ZBTB7C: variants seen among roughly 807,000 people sequenced by gnomAD.
ZBTB7C encodes the protein zinc finger and BTB domain-containing protein 7C.
In ZBTB7C, 8 loss-of-function variants were observed where a neutral mutation model predicts 25.7. That is an observed-to-expected ratio of 0.31 (90% CI 0.18 to 0.56). The LOEUF (loss-of-function observed/expected upper bound fraction) is 0.56. Among genes scored for constraint, ZBTB7C ranks in the 20% least tolerant of loss-of-function variants. The pLI is 0.91. For synonymous variants in ZBTB7C, 394 were observed against 369.0 expected (o/e 1.07, Z -0.78); for missense variants, 824 against 855.2 (o/e 0.96, Z 0.46).
chr18:48,074,896 G>C (rs1349672091), intron 3 of ZBTB7C, among the ~76,000 whole-genome samples: 1 of 152,184 alleles, frequency 6.6e-6, no homozygotes, highest in East Asian at 1.9e-4. Flanking sequence ...TCCATTCAGT[G>C]ATGTTTTTGT....
chr18:48,229,785 G>C (rs1478117531), intron 2 of ZBTB7C, among the ~76,000 whole-genome samples: 1 of 152,180 alleles, frequency 6.6e-6, no homozygotes, highest in Non-Finnish European at 1.5e-5. Context: ...CAGCCTTCCT[G>C]ACTGTCCATC....
intron 2 of ZBTB7C, among the ~76,000 whole-genome samples, chr18:48,279,127 G>C (rs1293265329): frequency 6.6e-6 from 1 of 152,092 alleles, no homozygotes; most frequent in African/African-American, 2.4e-5. Context: ...AGGGCCCAGA[G>C]GGCAGCACCA....
At chr18:48,136,807 C>T (rs2040181014) in intron 3 of ZBTB7C, among the ~76,000 whole-genome samples, 1 of 152,148 alleles carries the variant, frequency 6.6e-6, no homozygotes, top group Non-Finnish European at 1.5e-5. Context: ...GCTTTGCGGA[C>T]GCCGCCACCC....
intron 3 of ZBTB7C, among the ~76,000 whole-genome samples, chr18:48,111,861 C>T (rs979478827): frequency 2.0e-5 from 3 of 152,166 alleles, no homozygotes; most frequent in Non-Finnish European, 4.4e-5. Context: ...TTAGCAATTT[C>T]GGACCCTGAA....
chr18:48,113,927 C>T (rs1194532475), intron 3 of ZBTB7C, among the ~76,000 whole-genome samples: 1 of 152,168 alleles, frequency 6.6e-6, no homozygotes, highest in African/African-American at 2.4e-5. Flanking sequence ...CTGGCCAAAT[C>T]CCCATTCACT....
chr18:48,049,962 C>T (rs2036618270), intron 3 of ZBTB7C, among the ~76,000 whole-genome samples: 1 of 152,176 alleles, frequency 6.6e-6, no homozygotes, highest in Non-Finnish European at 1.5e-5. Flanking sequence ...CTCCAGCCTC[C>T]ACCTCCTCCC....
At chr18:48,043,046 A>ACAT (rs1355770780) in intron 3 of ZBTB7C, among the ~76,000 whole-genome samples, 1 of 145,344 alleles carries the variant, frequency 6.9e-6, no homozygotes, top group East Asian at 2.0e-4. Context: ...ATCACTACAT[A>ACAT]CATAGGATAG....
At chr18:48,215,446 T>C (rs982239561) in intron 2 of ZBTB7C, among the ~76,000 whole-genome samples, 1 of 152,194 alleles carries the variant, frequency 6.6e-6, no homozygotes, top group Non-Finnish European at 1.5e-5. Context: ...TCAATCAATA[T>C]ATGAGAGGTA....
At chr18:48,274,857 A>G (rs1159526211) in intron 2 of ZBTB7C, among the ~76,000 whole-genome samples, 1 of 152,134 alleles carries the variant, frequency 6.6e-6, no homozygotes, top group Non-Finnish European at 1.5e-5. Context: ...GGTGTCTGCT[A>G]AGTCAATGAG....
intron 2 of ZBTB7C, among the ~76,000 whole-genome samples, chr18:48,327,333 C>T (rs1323386076): frequency 6.6e-6 from 1 of 152,208 alleles, no homozygotes; most frequent in Admixed American, 6.5e-5. Context: ...CCACACTGTA[C>T]TAAGCGCAGT....
rs554588087 is a variant in ZBTB7C, at chr18:48,055,005, C to A, written c.-16-13882G>T. On this transcript the variant is annotated intron_variant, in intron 3 of 4. Transcript: ENST00000590800. ...ACCATATGCTTGACTGGGCTTCATGCTGTGTAAGTCTATAGAAAATACCTG... is the reference window on the plus strand; with the variant it reads ...ACCATATGCTTGACTGGGCTTCATGATGTGTAAGTCTATAGAAAATACCTG... Among the ~76,000 whole-genome samples the A allele has an allele frequency of 6.6e-5, 10 of 152,246 alleles. No individual in the cohort carries two copies. In the East Asian group the frequency reaches 1.9e-3, roughly 29 times the overall value.
chr18:48,229,082 A>T (rs2043184250), intron 2 of ZBTB7C, among the ~76,000 whole-genome samples: 2 of 152,096 alleles, frequency 1.3e-5, no homozygotes, highest in Non-Finnish European at 2.9e-5. Context: ...GATCCCAGTC[A>T]AAACAGCATG....
chr18:48,150,142 A>G (rs1208951523), intron 3 of ZBTB7C: 2 of 152,120 alleles, frequency 1.3e-5, no homozygotes, highest in Non-Finnish European at 2.9e-5. Flanking sequence ...CAACAGTTCT[A>G]TGAAGTCAGT....
intron 2 of ZBTB7C, among the ~76,000 whole-genome samples, chr18:48,315,663 G>A (rs1256158778): frequency 1.3e-5 from 2 of 152,130 alleles, no homozygotes; most frequent in African/African-American, 4.8e-5. Context: ...CCGGTAGGAA[G>A]GGTGGCTCCT....
intron 3 of ZBTB7C, among the ~76,000 whole-genome samples, chr18:48,126,558 C>A (rs2039807104): frequency 6.6e-6 from 1 of 152,184 alleles, no homozygotes; most frequent in Admixed American, 6.5e-5. Flanking sequence ...GGGGAGATGC[C>A]CTCATTGGCT....
chr18:48,371,958 C>A (rs2047399026), intron 1 of ZBTB7C, among the ~76,000 whole-genome samples: 2 of 152,174 alleles, frequency 1.3e-5, no homozygotes, highest in South Asian at 4.1e-4. Context: ...GCTTGGAGGC[C>A]AGGAGACATG....
intron 2 of ZBTB7C, among the ~76,000 whole-genome samples, chr18:48,206,550 C>G (rs1203652058): frequency 6.6e-6 from 1 of 152,128 alleles, no homozygotes; most frequent in Non-Finnish European, 1.5e-5. Context: ...GTCCCAGCTA[C>G]TCCAGAGGCT....
At chr18:48,053,807 T>G (rs1305432680) in intron 3 of ZBTB7C, among the ~76,000 whole-genome samples, 2 of 152,006 alleles carry the variant, frequency 1.3e-5, no homozygotes, top group African/African-American at 4.8e-5. Flanking sequence ...CTAAAATGAG[T>G]GCTAAGTGCT....
Position 48,409,206 on chromosome 18 carries a change from CGG to C in ZBTB7C, c.-304+18_-304+19del, listed in dbSNP as rs1491304071. ...GACCCCGGCAGCCGGCGCCCGAGCC[CGG>C]CGCGCGAAGCCGCTCACCTCCGCGC... On this transcript the variant is annotated intron_variant, in intron 1 of 4. Transcript: ENST00000590800. The C allele has an allele frequency of 2.0e-5, 3 of 150,006 alleles. No individual in the cohort carries two copies. Among genetic ancestry groups the C allele is most frequent in the Non-Finnish European group, 4.5e-5 (3 of 67,232 alleles). 9.3% of individuals were successfully genotyped at this position (150,006 alleles called of 1,614,324 possible). A position where few individuals can be genotyped will look rare whatever the true frequency, so the allele number is the denominator to read the frequency against.
Sources: allele counts gnomAD v4.1 joint callset (sites outside exome capture counted in the v4.1 genomes callset), GRCh38; gene constraint gnomAD v4.1.1; transcripts MANE v1.5; gene names NCBI Gene and HGNC (gene_info 2026-07-23, HGNC 2026-07-21).